The following RALGPS1 variants were observed in gnomAD, a reference collection of about 807,000 sequenced individuals.
RALGPS1 encodes Ral GEF with PH domain and SH3 binding motif 1, also known as ras-specific guanine nucleotide-releasing factor RalGPS1.
Under a neutral mutation model 78.8 loss-of-function variants are expected in RALGPS1, and 19 were observed. The ratio of observed to expected loss-of-function variants is 0.24; its 90% CI spans 0.17 to 0.35. RALGPS1 has a LOEUF of 0.35. RALGPS1 is among the 10% of genes least tolerant of loss of function. The probability of loss-of-function intolerance (pLI) is 1.00; values close to 1 mark genes in which losing one functional copy is unlikely to be tolerated. For synonymous variants in RALGPS1, 228 were observed against 256.3 expected (o/e 0.89, Z 1.06); for missense variants, 454 against 688.3 (o/e 0.66, Z 3.81).
intron 7 of RALGPS1, among the ~76,000 whole-genome samples, chr9:127,060,468 G>A (rs2049109660): frequency 1.3e-5 from 2 of 152,134 alleles, no homozygotes; most frequent in South Asian, 4.1e-4. Flanking sequence ...AAAATGTTTA[G>A]AACTATGCCT....
At chr9:126,949,642 C>T (rs1469299367) in intron 1 of RALGPS1, among the ~76,000 whole-genome samples, 1 of 145,108 alleles carries the variant, frequency 6.9e-6, no homozygotes, top group Non-Finnish European at 1.5e-5. Flanking sequence ...TATCCTTTGC[C>T]CACTTTTTGA....
Position 127,210,616 on chromosome 9 carries a change from T to G in RALGPS1, c.1248-1515T>G. 2.8e-6 allele frequency: 3 copies of G among 1,078,398 alleles called. No individual in the cohort carries two copies. The South Asian group carries it at 4.1e-5, about 15-fold the overall frequency. The allele number at this position is 1,078,398 out of a possible 1,614,324, so 66.8% of individuals were successfully genotyped here. On this transcript the variant is annotated intron_variant, in intron 14 of 18. Coordinates refer to ENST00000259351, the MANE Select transcript of RALGPS1 (RefSeq NM_014636.3). ...GACTTCCTGAGCTAATTGACTATGT[T>G]GTCGGGGTGCTCTTGCCTCCTTCAG...
intron 8 of RALGPS1, among the ~76,000 whole-genome samples, chr9:127,085,020 C>A (rs2051561134): frequency 6.6e-6 from 1 of 152,128 alleles, no homozygotes; most frequent in African/African-American, 2.4e-5. Flanking sequence ...TGTCTGTGAA[C>A]TGTGAGCATG....
intron 8 of RALGPS1, among the ~76,000 whole-genome samples, chr9:127,155,541 G>A (rs953749610): frequency 3.3e-5 from 5 of 152,216 alleles, no homozygotes; most frequent in African/African-American, 1.2e-4. Context: ...GAAAGGTAGT[G>A]TGGGGCAGAG....
chr9:126,967,087 G>T (rs942690420), intron 3 of RALGPS1, among the ~76,000 whole-genome samples: 1 of 152,130 alleles, frequency 6.6e-6, no homozygotes, highest in Admixed American at 6.5e-5. Context: ...AACTAGCTGG[G>T]CCCCATGTCA....
intron 11 of RALGPS1, among the ~76,000 whole-genome samples, chr9:127,187,898 T>G (rs1455785320): frequency 1.3e-5 from 2 of 151,990 alleles, no homozygotes; most frequent in Non-Finnish European, 2.9e-5. Context: ...TCCCCCGGGG[T>G]GCACAGCAGA....
intron 1 of RALGPS1, among the ~76,000 whole-genome samples, chr9:126,955,920 A>G (rs931242488): frequency 1.3e-5 from 2 of 152,204 alleles, no homozygotes; most frequent in African/African-American, 4.8e-5. Context: ...AGTCTACTCT[A>G]ACTGCCTGAT....
At chr9:127,069,184 G>A in intron 7 of RALGPS1, 46 bp from the exon 8 acceptor site, 4 of 1,542,586 alleles carry the variant, frequency 2.6e-6, no homozygotes, top group Non-Finnish European at 3.6e-6. Flanking sequence ...CCACTCTTTA[G>A]CTTCTTCTGG....
At chr9:126,975,487 G>A (rs746610509) in intron 3 of RALGPS1, among the ~76,000 whole-genome samples, 17 of 152,304 alleles carry the variant, frequency 1.1e-4, no homozygotes, top group South Asian at 2.1e-4. Flanking sequence ...CGGTTCTCCC[G>A]GATAGGGTGT....
At chr9:126,943,006 T>G (rs2036926793) in intron 1 of RALGPS1, among the ~76,000 whole-genome samples, 1 of 152,212 alleles carries the variant, frequency 6.6e-6, no homozygotes, top group South Asian at 2.1e-4. Context: ...AATTGTTGAT[T>G]TTATAGCTGG....
intron 7 of RALGPS1, among the ~76,000 whole-genome samples, chr9:127,058,317 G>A (rs747555741): frequency 7.2e-5 from 11 of 152,264 alleles, no homozygotes; most frequent in African/African-American, 2.6e-4. Context: ...AACAGGAGGC[G>A]GACACAATCT....
chr9:127,040,496 G>T (rs2047198017), intron 5 of RALGPS1, among the ~76,000 whole-genome samples: 1 of 152,182 alleles, frequency 6.6e-6, no homozygotes, highest in Admixed American at 6.5e-5. Context: ...GGGAATCCAG[G>T]ACATGGTGAG....
chr9:127,178,540 T>C, intron 11 of RALGPS1: 4 of 971,910 alleles, frequency 4.1e-6, no homozygotes, highest in Non-Finnish European at 4.9e-6. Flanking sequence ...GCCTCCATCA[T>C]TGCCTCAGCC....
chr9:126,992,579 G>A (rs137864867), intron 4 of RALGPS1, among the ~76,000 whole-genome samples: 65 of 152,332 alleles, frequency 4.3e-4, no homozygotes, highest in African/African-American at 1.5e-3. Context: ...GACTGTGATT[G>A]TGTTGAATCT....
chr9:127,206,720 G>T (rs2061953102), intron 14 of RALGPS1, among the ~76,000 whole-genome samples: 1 of 152,136 alleles, frequency 6.6e-6, no homozygotes, highest in Non-Finnish European at 1.5e-5. Flanking sequence ...TGGGGAGGTT[G>T]CTCTCCAACC....
chr9:127,173,388 A>G (rs1441332991), intron 10 of RALGPS1, among the ~76,000 whole-genome samples: 1 of 152,230 alleles, frequency 6.6e-6, no homozygotes, highest in Non-Finnish European at 1.5e-5. Context: ...GACAGGAGCC[A>G]TGCCATGATG....
intron 3 of RALGPS1, among the ~76,000 whole-genome samples, chr9:126,977,290 T>C (rs1214601832): frequency 6.6e-6 from 1 of 152,238 alleles, no homozygotes; most frequent in African/African-American, 2.4e-5. Flanking sequence ...TTTATAGTAA[T>C]AGTGTTTCTG....
intron 1 of RALGPS1, among the ~76,000 whole-genome samples, chr9:126,950,277 G>A (rs577291788): frequency 6.6e-6 from 1 of 152,188 alleles, no homozygotes; most frequent in African/African-American, 2.4e-5. Flanking sequence ...TTTTGGCTTA[G>A]GATTCACTTG....
intron 8 of RALGPS1, among the ~76,000 whole-genome samples, chr9:127,155,652 G>A (rs546880082): frequency 6.6e-5 from 10 of 152,160 alleles, no homozygotes; most frequent in Non-Finnish European, 1.0e-4. Flanking sequence ...GGTCTAATAG[G>A]GTTTGAGAAA....
Sources: gnomAD v4.1 joint callset for allele counts (sites outside exome capture counted in the v4.1 genomes callset) on GRCh38, gnomAD v4.1.1 for gene constraint, MANE v1.5 for transcripts, NCBI Gene and HGNC (gene_info 2026-07-23, HGNC 2026-07-21) for gene names.